AKR1C8: variants seen among roughly 807,000 people sequenced by gnomAD.
The protein encoded by AKR1C8 is aldo-keto reductase family 1 member C-like protein 1.
the AKR1C8 span, among the ~76,000 whole-genome samples, chr10:5,168,439 C>A: frequency 2.0e-5 from 3 of 152,084 alleles, no homozygotes; most frequent in Non-Finnish European, 4.4e-5. Context: ...CCACTACTAT[C>A]CCTACCAGAA....
At chr10:5,181,397 A>G in the AKR1C8 span, among the ~76,000 whole-genome samples, 5 of 152,342 alleles carry the variant, frequency 3.3e-5, no homozygotes, top group African/African-American at 9.6e-5. Context: ...CATTTTAACA[A>G]AACAAATGAC....
chr10:5,161,086 T>A, the AKR1C8 span, among the ~76,000 whole-genome samples: 1 of 152,126 alleles, frequency 6.6e-6, no homozygotes, highest in Non-Finnish European at 1.5e-5. Context: ...TGTGTAAATG[T>A]GTTTGCATGC....
chr10:5,132,406 C>T, the AKR1C8 span, among the ~76,000 whole-genome samples: 1 of 152,178 alleles, frequency 6.6e-6, no homozygotes, highest in Non-Finnish European at 1.5e-5. Context: ...TTTCAAGTAA[C>T]AAATTTGAAC....
the AKR1C8 span, among the ~76,000 whole-genome samples, chr10:5,131,396 C>A: frequency 6.6e-6 from 1 of 151,968 alleles, no homozygotes; most frequent in Non-Finnish European, 1.5e-5. Context: ...AAGAGACAAC[C>A]TACAGAATGA....
the AKR1C8 span, among the ~76,000 whole-genome samples, chr10:5,151,952 A>T: frequency 6.6e-6 from 1 of 152,182 alleles, no homozygotes; most frequent in Non-Finnish European, 1.5e-5. Context: ...GACAGGAGTC[A>T]TAGTAGGAAT....
the AKR1C8 span, among the ~76,000 whole-genome samples, chr10:5,172,570 G>C: frequency 6.6e-6 from 1 of 151,742 alleles, no homozygotes; most frequent in African/African-American, 2.4e-5. Flanking sequence ...ATTTTGTTTG[G>C]GCTGAGTTTT....
the AKR1C8 span, among the ~76,000 whole-genome samples, chr10:5,150,108 T>C: frequency 6.6e-6 from 1 of 151,754 alleles, no homozygotes; most frequent in African/African-American, 2.4e-5. Context: ...TATGAACATA[T>C]TAGCTCTTCA....
At chr10:5,159,711 T>A in the AKR1C8 span, among the ~76,000 whole-genome samples, 50 of 152,246 alleles carry the variant, frequency 3.3e-4, no homozygotes, top group Admixed American at 3.1e-3. Context: ...TTCTGAAGAA[T>A]TGTGCTCTTC....
the AKR1C8 span, among the ~76,000 whole-genome samples, chr10:5,122,553 A>T: frequency 6.6e-6 from 1 of 152,310 alleles, no homozygotes; most frequent in East Asian, 1.9e-4. Flanking sequence ...AACTTGATCC[A>T]GCCTTAGACT....
chr10:5,176,136 T>C, the AKR1C8 span, among the ~76,000 whole-genome samples: 45 of 151,946 alleles, frequency 3.0e-4, no homozygotes, highest in African/African-American at 1.0e-3. Flanking sequence ...CTTTAATCCA[T>C]CTTGAATTAA....
At chr10:5,138,700 T>A in the AKR1C8 span, among the ~76,000 whole-genome samples, 1 of 152,132 alleles carries the variant, frequency 6.6e-6, no homozygotes, top group African/African-American at 2.4e-5. Context: ...CAATTTATGT[T>A]CCTCTGCCAC....
chr10:5,166,245 T>C, the AKR1C8 span, among the ~76,000 whole-genome samples: 2 of 151,868 alleles, frequency 1.3e-5, no homozygotes, highest in African/African-American at 4.8e-5. Context: ...GCCATCCCCA[T>C]CAAGCTACCA....
chr10:5,184,993 C>T, the AKR1C8 span: 1 of 534,128 alleles, frequency 1.9e-6, no homozygotes, highest in African/African-American at 1.9e-5. Context: ...GAAACTTCAG[C>T]CTCCTGGGGT....
At chr10:5,160,017 G>A in the AKR1C8 span, 3 of 361,100 alleles carry the variant, frequency 8.3e-6, no homozygotes, top group South Asian at 2.0e-5. Context: ...TGGGGAGGAA[G>A]GATATGGGTG....
At chr10:5,159,189 G>T in the AKR1C8 span, among the ~76,000 whole-genome samples, 1 of 152,174 alleles carries the variant, frequency 6.6e-6, no homozygotes, top group Non-Finnish European at 1.5e-5. Flanking sequence ...TAGTAATTAT[G>T]ATGAATGGAA....
At chr10:5,157,435 G>T in the AKR1C8 span, among the ~76,000 whole-genome samples, 1 of 152,196 alleles carries the variant, frequency 6.6e-6, no homozygotes, top group Non-Finnish European at 1.5e-5. Flanking sequence ...CTAGTAAGTG[G>T]CAAAGCCAAG....
At chr10:5,140,434 T>C in the AKR1C8 span, among the ~76,000 whole-genome samples, 1 of 152,212 alleles carries the variant, frequency 6.6e-6, no homozygotes, top group East Asian at 1.9e-4. Context: ...TAAGAAAATG[T>C]GGCACATATA....
chr10:5,128,314 C>A, the AKR1C8 span, among the ~76,000 whole-genome samples: 18 of 152,196 alleles, frequency 1.2e-4, no homozygotes, highest in Admixed American at 7.2e-4. Context: ...CTGTTATACA[C>A]CACAATGGAA....
the AKR1C8 span, among the ~76,000 whole-genome samples, chr10:5,145,846 G>T: frequency 2.6e-5 from 4 of 152,038 alleles, no homozygotes; most frequent in African/African-American, 9.7e-5. Context: ...TCCCATTACT[G>T]GGTATATACC....
Sources: gnomAD v4.1 joint callset for allele counts (sites outside exome capture counted in the v4.1 genomes callset) on GRCh38, gnomAD v4.1.1 for gene constraint, MANE v1.5 for transcripts, NCBI Gene and HGNC (gene_info 2026-07-23, HGNC 2026-07-21) for gene names.